THBS2: variants seen among roughly 807,000 people sequenced by gnomAD.
THBS2 encodes thrombospondin 2, also known as thrombospondin-2.
A neutral mutation model predicts 135.2 loss-of-function variants in THBS2; 47 were observed. That is an observed-to-expected ratio of 0.35 (90% confidence interval 0.28 to 0.44). THBS2 has a LOEUF of 0.44. Ranked by LOEUF, THBS2 falls within the 20% of genes least tolerant of loss-of-function variation. The pLI is 1.00. For synonymous variants in THBS2, 639 were observed against 633.8 expected (o/e 1.01, Z -0.12); for missense variants, 1,288 against 1,603.1 (o/e 0.80, Z 3.36).
intron 4 of THBS2, among the ~76,000 whole-genome samples, chr6:169,242,816 ACTCCCACC>A (rs1780385358): frequency 1.4e-4 from 2 of 14,514 alleles, no homozygotes; most frequent in Admixed American, 6.7e-4. Flanking sequence ...CCTTCCCACC[ACTCCCACC>A]TTCCCACCTT....
Position 169,250,760 on chromosome 6 carries a change from C to T in THBS2, c.25G>A (p.Ala9Thr). 1 of 1,613,646 alleles carries T rather than the reference C, an allele frequency of 6.2e-7. No homozygotes were observed. The highest frequency in any genetic ancestry group is 1.3e-5 in the African/African-American group (1 of 75,044). The part of the protein sequence containing the change: MVWRLVLL[A>T]LWVWPSTQAG... ...TGCGTGCTGGGCCACACCCACAGAGCCAGCAGGACCAGCCTCCAGACCATC... is the reference window on the plus strand; with the variant it reads ...TGCGTGCTGGGCCACACCCACAGAGTCAGCAGGACCAGCCTCCAGACCATC... The change falls in exon 2 of 22, where the codon GCT becomes ACT. Residue 9 changes from alanine to threonine, a missense_variant. Transcript: ENST00000617924.
chr6:169,250,575 T>C lies in THBS2; in HGVS notation c.52+158A>G, dbSNP rs187156190. Among the ~76,000 whole-genome samples, 18 of 152,356 alleles carry C rather than the reference T, an allele frequency of 1.2e-4. No individual in the cohort carries two copies. The East Asian group carries it at 3.1e-3, about 26-fold the overall frequency. On this transcript the variant is annotated intron_variant, in intron 2 of 21. Transcript: ENST00000617924. ...CAAAGATAAATTATCTCATGTCATA[T>C]TGGCTCAGAAGTAAGTTACTATTTG...
chr6:169,227,032 C>T (rs748454135), intron 15 of THBS2, among the ~76,000 whole-genome samples: 1 of 152,170 alleles, frequency 6.6e-6, no homozygotes, highest in Non-Finnish European at 1.5e-5. Context: ...GCCGAGGAGC[C>T]CCCTGGCCAC....
intron 20 of THBS2, among the ~76,000 whole-genome samples, chr6:169,221,062 C>T (rs1413150770): frequency 2.0e-5 from 3 of 152,212 alleles, no homozygotes; most frequent in South Asian, 2.1e-4. Context: ...TTCATACAAC[C>T]GTGTTTTAAA....
rs1276849599 is a variant in THBS2 at position 169,241,800 on chromosome 6, C to T, written c.853G>A (p.Val285Ile). 8.1e-6 allele frequency: 13 copies of T among 1,611,960 alleles called. No individual in the cohort carries two copies. Among genetic ancestry groups the T allele is most frequent in the East Asian group, 4.5e-5 (2 of 44,852 alleles). ...NMVQELSGLH[V>I]LVNQLSENLK... ...TTCTCGCTGAGCTGGTTCACGAGGA[C>T]GTGGAGCCCCGAGAGCTCCTGGACC... Residue 285 changes from valine (V) to isoleucine (I), a missense_variant, in exon 5 of 22, where the codon GTC becomes ATC. Around this residue, in one of 2 missense-constraint regions of THBS2, gnomAD observed 414 missense variants for 447.0 expected, o/e 0.93. Coordinates refer to ENST00000617924, the MANE Select transcript of THBS2 (RefSeq NM_003247.5). The surrounding 1 kb of genome is among the most constrained non-coding windows in gnomAD (Gnocchi z 5.5).
At chr6:169,226,103 T>C in intron 16 of THBS2, 77 bp downstream of exon 16, 1 of 1,453,722 alleles carries the variant, frequency 6.9e-7, no homozygotes, top group East Asian at 2.3e-5. Flanking sequence ...GTTGTCACAG[T>C]GATCCCCCAC....
At chr6:169,239,988 G>C (rs1199700826) in intron 6 of THBS2, among the ~76,000 whole-genome samples, 1 of 152,178 alleles carries the variant, frequency 6.6e-6, no homozygotes, top group Non-Finnish European at 1.5e-5. Context: ...AAGAAAAGAC[G>C]GGCAGCAGGA....
chr6:169,237,415 C>A (rs767628698), intron 8 of THBS2, 69 bp from the exon 9 acceptor site: 8 of 1,586,104 alleles, frequency 5.0e-6, no homozygotes, highest in Middle Eastern at 3.4e-4. Context: ...AGCGGTGTGC[C>A]TTATTAACCG....
chr6:169,228,301 A>G lies in THBS2; in HGVS notation c.2260-20T>C. The G allele has an allele frequency of 2.5e-6, 4 of 1,613,532 alleles. No individual in the cohort carries two copies. The highest frequency in any genetic ancestry group is 3.4e-6 in the Non-Finnish European group (4 of 1,179,780). On this transcript the variant is annotated intron_variant, in intron 14 of 21. Coordinates refer to ENST00000617924, the MANE Select transcript of THBS2 (RefSeq NM_003247.5). ...GTTGTCCTGGAAAACCAAGAAAGGG[A>G]AGACTTTAACGAAGATCATAGGAAT...
At chr6:169,237,964 C>T (rs1021885596) in intron 7 of THBS2, among the ~76,000 whole-genome samples, 169 bp from the exon 8 acceptor site, 2 of 152,212 alleles carry the variant, frequency 1.3e-5, no homozygotes, top group Non-Finnish European at 2.9e-5. Flanking sequence ...GGCCGTGGCT[C>T]CGTGGGACCC....
At chr6:169,228,646 G>A (rs563761224) in intron 14 of THBS2, among the ~76,000 whole-genome samples, 16 of 152,248 alleles carry the variant, frequency 1.1e-4, no homozygotes, top group Middle Eastern at 3.4e-3. Context: ...AGTTAGGCCC[G>A]GGCACAGTGG....
chr6:169,228,387 G>A, intron 14 of THBS2, 106 bp from the exon 15 acceptor site: 1 of 1,392,816 alleles, frequency 7.2e-7, no homozygotes, highest in Non-Finnish European at 9.7e-7. Context: ...AATCAATATA[G>A]AAATCAAACA....
At chr6:169,244,867 A>T (rs559041721) in intron 4 of THBS2, among the ~76,000 whole-genome samples, 1 of 152,068 alleles carries the variant, frequency 6.6e-6, no homozygotes, top group East Asian at 1.9e-4. Flanking sequence ...GTCTTAGAAC[A>T]CCCTTCTCCC....
intron 4 of THBS2, among the ~76,000 whole-genome samples, chr6:169,244,447 C>T (rs1191017945): frequency 2.0e-5 from 3 of 151,958 alleles, no homozygotes; most frequent in Non-Finnish European, 4.4e-5. Context: ...ACAACCTTAG[C>T]TCTAGTTTAA....
At position 169,241,630 on chromosome 6, in the gene THBS2, C is replaced by T; in HGVS notation, c.891+132G>A. The T allele has an allele frequency of 1.1e-6, 1 of 916,204 alleles. No individual in the cohort carries two copies. The highest frequency in any genetic ancestry group is 1.6e-6 in the Non-Finnish European group (1 of 608,042). 56.8% of individuals were successfully genotyped at this position (916,204 alleles called of 1,614,324 possible). ...CCTGAGGAGCCCGGCAGACACCTCC[C>T]CTGTGAACTGTGGGTTTTTACATCG... On this transcript the variant is annotated intron_variant, in intron 5 of 21. Transcript: ENST00000617924. The surrounding 1 kb of genome is among the most constrained non-coding windows in gnomAD (Gnocchi z 5.5).
At position 169,248,472 on chromosome 6, in the gene THBS2, G is replaced by A. The variant is rs769719849; in HGVS notation, c.554C>T (p.Ala185Val). The A allele has an allele frequency of 1.5e-5, 25 of 1,612,966 alleles. No homozygotes were observed. The highest frequency in any genetic ancestry group is 4.5e-5 in the East Asian group (2 of 44,852). The change falls in exon 3 of 22, where the codon GCG becomes GTG. Residue 185 changes from alanine (A) to valine (V), a missense_variant. Ala to Val is a moderately conservative substitution (Grantham distance 64). Coordinates refer to ENST00000617924, the MANE Select transcript of THBS2 (RefSeq NM_003247.5). ...LDEPFYEHLQ[A>V]EKSRMYVAKG... is the part of the protein sequence containing the mutation. ...GGCCACGTACATCCGGCTCTTTTCC[G>A]CCTGCAGGTGCTCGTAGAAGGGCTC...
rs1489461053 is a variant in THBS2 at position 169,248,434 on chromosome 6, T to G, written c.592A>C (p.Arg198=). ...SRMYVAKGSA[R]ESHFRGLLQN... is the part of the protein sequence containing the mutation. The stretch of plus-strand genomic sequence containing the variant: ...GAGCGTACCCTGAAGTGACTCTCTC[T>G]GGCAGAGCCTTTGGCCACGTACATC... Residue 198 remains arginine, a synonymous_variant, in exon 3 of 22, where the codon AGA becomes CGA. Transcript: ENST00000617924. 1 of 1,607,774 alleles carries G rather than the reference T, an allele frequency of 6.2e-7. No homozygotes were observed. The highest frequency in any genetic ancestry group is 1.7e-5 in the Admixed American group (1 of 59,934).
rs754591123 is a variant in THBS2 at position 169,241,982 on chromosome 6, G to A, written c.695-24C>T. 1.9e-5 allele frequency: 31 copies of A among 1,591,612 alleles called. 1 individual carries two copies. Among genetic ancestry groups the A allele is most frequent in the African/African-American group, 6.7e-5 (5 of 74,636 alleles). ...AGCTGAGGGCAAGCGTAGAAGGGCC[G>A]TGAGCATCACAGAGGACGGGGCCAG... On this transcript the variant is annotated intron_variant, in intron 4 of 21. Coordinates refer to ENST00000617924, the MANE Select transcript of THBS2 (RefSeq NM_003247.5). This position sits in a 1 kb window ranked among gnomAD's most constrained non-coding sequence, Gnocchi z 5.5.
chr6:169,222,118 G>C (rs1779448891), intron 19 of THBS2, 79 bp downstream of exon 19: 1 of 1,476,734 alleles, frequency 6.8e-7, no homozygotes, highest in Non-Finnish European at 9.0e-7. Flanking sequence ...GGGGTCTCTG[G>C]ACTGGGCTAG....
Sources: allele counts gnomAD v4.1 joint callset (sites outside exome capture counted in the v4.1 genomes callset), GRCh38; gene constraint gnomAD v4.1.1; regional missense constraint gnomAD v4.1.1; non-coding constraint Gnocchi (gnomAD v3.1); transcripts MANE v1.5; gene names NCBI Gene and HGNC (gene_info 2026-07-23, HGNC 2026-07-21).